Variants in SMC6 observed in about 807,000 individuals in gnomAD.
SMC6 encodes structural maintenance of chromosomes protein 6.
SMC6 carries 79 observed loss-of-function variants against 142.2 expected under a neutral mutation model. That is an observed-to-expected ratio of 0.56 (90% CI 0.46 to 0.67). The LOEUF is 0.67. Ranked by LOEUF, SMC6 falls within the 30% of genes least tolerant of loss-of-function variation. SMC6 has a pLI of 0.00. For missense variants in SMC6, 1,072 were observed against 1,284.0 expected (o/e 0.83, Z 2.52); for synonymous variants, 411 against 412.4 (o/e 1.00, Z 0.04).
At chr2:17,683,554 G>A in intron 24 of SMC6, 84 bp downstream of exon 24, 1 of 1,234,802 alleles carries the variant, frequency 8.1e-7, no homozygotes, top group Non-Finnish European at 1.1e-6. Context: ...AATAGTCTCT[G>A]CTATAACAGA....
chr2:17,708,234 C>A (rs1024582891), intron 17 of SMC6, among the ~76,000 whole-genome samples: 9 of 151,838 alleles, frequency 5.9e-5, no homozygotes, highest in Admixed American at 1.3e-4. Context: ...ATTGATTTAT[C>A]TAACAGAGTA....
At chr2:17,734,176 A>C (rs1189754177) in intron 5 of SMC6, among the ~76,000 whole-genome samples, 1 of 152,192 alleles carries the variant, frequency 6.6e-6, no homozygotes, top group Non-Finnish European at 1.5e-5. Context: ...CAATTAAAAG[A>C]AAGCCCCAGA....
intron 5 of SMC6, among the ~76,000 whole-genome samples, chr2:17,734,772 C>G (rs1474225800): frequency 6.6e-6 from 1 of 152,108 alleles, no homozygotes; most frequent in African/African-American, 2.4e-5. Flanking sequence ...CACTCTGTCG[C>G]CCAGGCTGGA....
chr2:17,695,020 GACT>G (rs1428507883), intron 23 of SMC6, 129 bp downstream of exon 23: 1 of 923,148 alleles, frequency 1.1e-6, no homozygotes, highest in Non-Finnish European at 1.7e-6. Context: ...ACATATAAAG[GACT>G]ACTTCAGCTA....
intron 4 of SMC6, among the ~76,000 whole-genome samples, chr2:17,739,367 G>A (rs934821657): frequency 7.2e-5 from 11 of 152,066 alleles, no homozygotes; most frequent in Admixed American, 3.9e-4. Flanking sequence ...CAGGCTGGCC[G>A]GGCACAGTGG....
intron 25 of SMC6, among the ~76,000 whole-genome samples, chr2:17,674,163 C>A (rs1666900777): frequency 6.6e-6 from 1 of 152,076 alleles, no homozygotes; most frequent in Non-Finnish European, 1.5e-5. Context: ...TAATGTTCAG[C>A]CCTCCATTTT....
intron 4 of SMC6, chr2:17,740,863 AC>A (rs764090514): frequency 0.064 from 13,563 of 211,430 alleles, 815 homozygotes; most frequent in African/African-American, 0.22. Context: ...AAAACAAAAA[AC>A]AAAAAAACAA....
chr2:17,723,158 A>G (rs1270685758), intron 9 of SMC6, among the ~76,000 whole-genome samples: 2 of 152,134 alleles, frequency 1.3e-5, no homozygotes, highest in African/African-American at 4.8e-5. Context: ...CTCCATGTCC[A>G]CTACAACATC....
At chr2:17,687,591 A>T (rs145719735) in intron 23 of SMC6, among the ~76,000 whole-genome samples, 41 of 152,332 alleles carry the variant, frequency 2.7e-4, no homozygotes, top group African/African-American at 9.9e-4. Flanking sequence ...AACAAATAAA[A>T]AACATGAAAG....
chr2:17,688,757 A>C (rs1199846885), intron 23 of SMC6, among the ~76,000 whole-genome samples: 1 of 152,242 alleles, frequency 6.6e-6, no homozygotes, highest in Non-Finnish European at 1.5e-5. Flanking sequence ...CCAGAAAAAA[A>C]ATAATTGTAA....
chr2:17,747,782 G>A (rs549740747), intron 2 of SMC6, among the ~76,000 whole-genome samples: 73 of 152,218 alleles, frequency 4.8e-4, no homozygotes, highest in Non-Finnish European at 8.7e-4. Flanking sequence ...GGGATTATAG[G>A]TGTGAGTCAT....
intron 23 of SMC6, among the ~76,000 whole-genome samples, chr2:17,686,536 G>A (rs1011102269): frequency 5.9e-5 from 9 of 152,060 alleles, no homozygotes; most frequent in Non-Finnish European, 1.0e-4. Context: ...GAAACATTTC[G>A]AGCATTGATA....
At chr2:17,666,634 T>C (rs1039689985) in intron 26 of SMC6, 117 bp from the exon 27 acceptor site, 2 of 697,402 alleles carry the variant, frequency 2.9e-6, no homozygotes, top group African/African-American at 3.6e-5. Context: ...AGTCATTACA[T>C]TATCTATGAT....
At chr2:17,746,076 TTAAAG>T in intron 2 of SMC6, 125 bp from the exon 3 acceptor site, 4 of 953,170 alleles carry the variant, frequency 4.2e-6, no homozygotes, top group Non-Finnish European at 5.7e-6. Flanking sequence ...ACCTTAAAAA[TTAAAG>T]TAAATTAGTC....
In SMC6 at chr2:17,700,376, T is replaced by A. The variant is rs1668210532; in HGVS notation, c.2226A>T (p.Glu742Asp). 6.3e-7 allele frequency: 1 copy of A among 1,592,758 alleles called. No homozygotes were observed. The highest frequency in any genetic ancestry group is 8.5e-7 in the Non-Finnish European group (1 of 1,172,674). Residue 742 changes from glutamate to aspartate, a missense_variant and splice_region_variant, in exon 21 of 28, where the codon GAA (glutamate) becomes GAT (aspartate). Physicochemically the swap from Glu to Asp is conservative, Grantham distance 45. Around this residue, in one of 3 missense-constraint regions of SMC6, gnomAD observed 994 missense variants for 1,153.2 expected, o/e 0.86. Transcript: ENST00000448223. Reference sequence around the variant, plus strand: ...TGCTTTTATTTTCCTGAGCTTCATCTTCCTGATAAAATTTAAACAGCATAT... The same window carrying A: ...TGCTTTTATTTTCCTGAGCTTCATCATCCTGATAAAATTTAAACAGCATAT... ...EHQSVDIATL[E>D]DEAQENKSKM...
chr2:17,746,074 A>T, intron 2 of SMC6, 123 bp from the exon 3 acceptor site: 1 of 949,394 alleles, frequency 1.1e-6, no homozygotes, highest in Non-Finnish European at 1.4e-6. Flanking sequence ...TTACCTTAAA[A>T]ATTAAAGTAA....
intron 3 of SMC6, among the ~76,000 whole-genome samples, chr2:17,744,939 C>T (rs1414289159): frequency 5.3e-5 from 8 of 152,054 alleles, no homozygotes; most frequent in Non-Finnish European, 2.9e-5. Context: ...TTAATTATGA[C>T]GTATAATTCT....
intron 26 of SMC6, among the ~76,000 whole-genome samples, chr2:17,669,966 G>A (rs941489068): frequency 6.6e-6 from 1 of 152,128 alleles, no homozygotes; most frequent in African/African-American, 2.4e-5. Flanking sequence ...TTTTTAACTG[G>A]AAATTCAAAA....
intron 26 of SMC6, among the ~76,000 whole-genome samples, chr2:17,668,549 AAT>A (rs1296808736): frequency 6.6e-6 from 1 of 151,930 alleles, no homozygotes; most frequent in African/African-American, 2.4e-5. Context: ...ATTATATAAT[AAT>A]ATAAAGCATT....
Sources: gnomAD v4.1 joint callset for allele counts (sites outside exome capture counted in the v4.1 genomes callset) on GRCh38, gnomAD v4.1.1 for gene constraint, gnomAD v4.1.1 regional missense constraint, MANE v1.5 for transcripts, NCBI Gene and HGNC (gene_info 2026-07-23, HGNC 2026-07-21) for gene names.